CSRNP3: variants seen among roughly 807,000 people sequenced by gnomAD.
CSRNP3 encodes the protein cysteine and serine rich nuclear protein 3.
In CSRNP3, 12 loss-of-function variants were observed where a neutral mutation model predicts 48.0. The ratio of observed to expected loss-of-function variants is 0.25; its 90% confidence interval spans 0.16 to 0.41. CSRNP3 has a LOEUF of 0.41. Among genes scored for constraint, CSRNP3 ranks in the 10% least tolerant of loss-of-function variants. CSRNP3 has a pLI of 1.00. For synonymous variants in CSRNP3, 263 were observed against 269.7 expected (o/e 0.98, Z 0.24); for missense variants, 580 against 724.4 (o/e 0.80, Z 2.29).
intron 3 of CSRNP3, among the ~76,000 whole-genome samples, chr2:165,577,848 A>G (rs966873157): frequency 2.6e-5 from 4 of 151,976 alleles, no homozygotes; most frequent in African/African-American, 9.6e-5. Context: ...GGACAGAGAA[A>G]GAGAGAAACC....
intron 3 of CSRNP3, among the ~76,000 whole-genome samples, chr2:165,518,356 A>G (rs1202473410): frequency 6.6e-6 from 1 of 151,940 alleles, no homozygotes; most frequent in Non-Finnish European, 1.5e-5. Flanking sequence ...TTAGAAGGAT[A>G]GCTAATCAGC....
chr2:165,565,654 G>T (rs1371732704), intron 3 of CSRNP3, among the ~76,000 whole-genome samples: 1 of 151,960 alleles, frequency 6.6e-6, no homozygotes, highest in African/African-American at 2.4e-5. Flanking sequence ...GAAAGAAAAT[G>T]CATGCCTCAT....
At chr2:165,595,300 G>A in intron 4 of CSRNP3, 87 bp downstream of exon 4, 1 of 1,265,310 alleles carries the variant, frequency 7.9e-7, no homozygotes, top group Admixed American at 2.1e-5. Flanking sequence ...TTTCATGCTA[G>A]CTATATATAT....
intron 3 of CSRNP3, among the ~76,000 whole-genome samples, chr2:165,540,495 G>T (rs1391356105): frequency 6.6e-6 from 1 of 151,960 alleles, no homozygotes; most frequent in Admixed American, 6.6e-5. Context: ...TCTTGTCTGT[G>T]CTCTACTGCT....
Position 165,681,744 on chromosome 2 carries a change from T to TATATATATATATAC in CSRNP3, c.*2004_*2005insCATATATATATATA, listed in dbSNP as rs1558974326. On this transcript the variant is annotated 3_prime_UTR_variant, in exon 7 of 7. Coordinates refer to ENST00000651982, the MANE Select transcript of CSRNP3 (RefSeq NM_001172173.2). Reference sequence around the variant, plus strand: ...AAATATACATATATATATATATATATATATATATATATATATACACACACA... The same window carrying TATATATATATATAC: ...AAATATACATATATATATATATATATATATATATATATACATATATATATATATATACACACACA... 2 of 88,456 alleles carry TATATATATATATAC rather than the reference T, an allele frequency of 2.3e-5. No homozygotes were observed. The highest frequency in any genetic ancestry group is 3.8e-5 in the African/African-American group (1 of 26,526). The allele number at this position is 88,456 out of a possible 1,614,324, so 5.5% of individuals were successfully genotyped here. A position where few individuals can be genotyped will look rare whatever the true frequency, so the allele number is the denominator to read the frequency against.
intron 4 of CSRNP3, among the ~76,000 whole-genome samples, chr2:165,634,330 G>A (rs1000289342): frequency 6.6e-6 from 1 of 151,982 alleles, no homozygotes; most frequent in Non-Finnish European, 1.5e-5. Context: ...ATGGGAATGA[G>A]ATCCTGTCCA....
chr2:165,679,830 T>A lies in CSRNP3; in HGVS notation c.*77T>A. The A allele has an allele frequency of 6.6e-7, 1 of 1,520,556 alleles. No individual in the cohort carries two copies. Among genetic ancestry groups the A allele is most frequent in the Non-Finnish European group, 8.8e-7 (1 of 1,137,760 alleles). 94.2% of individuals were successfully genotyped at this position (1,520,556 alleles called of 1,614,324 possible). A position where few individuals can be genotyped will look rare whatever the true frequency, so the allele number is the denominator to read the frequency against. Reference sequence around the variant, plus strand: ...TAATTGGATTTCCTGGGCTCATCATTGTTTAAACTGAAGACCAAGAAAACT... The same window carrying A: ...TAATTGGATTTCCTGGGCTCATCATAGTTTAAACTGAAGACCAAGAAAACT... On this transcript the variant is annotated 3_prime_UTR_variant, in exon 7 of 7. Transcript: ENST00000651982.
intron 4 of CSRNP3, among the ~76,000 whole-genome samples, chr2:165,601,821 C>T (rs1573910176): frequency 6.6e-6 from 1 of 152,096 alleles, no homozygotes; most frequent in East Asian, 1.9e-4. Context: ...CATAAAGAAT[C>T]AATAGAAAAC....
chr2:165,679,072 T>C lies in CSRNP3; in HGVS notation c.1077T>C (p.Ser359=). 5.0e-6 allele frequency: 8 copies of C among 1,613,526 alleles called. No individual in the cohort carries two copies. Among genetic ancestry groups the C allele is most frequent in the Non-Finnish European group, 6.8e-6 (8 of 1,179,778 alleles). ...GSSFCSGVTD[S]STQSLAPSES... ...GCTTTTGCAGCGGAGTCACAGATTC[T>C]AGCACGCAAAGCTTGGCACCTAGTG... Residue 359 remains serine, a synonymous_variant, in exon 7 of 7, where the codon TCT becomes TCC. Coordinates refer to ENST00000651982, the MANE Select transcript of CSRNP3 (RefSeq NM_001172173.2).
At position 165,680,799 on chromosome 2, in the gene CSRNP3, C is replaced by T. The variant is rs1217717719; in HGVS notation, c.*1046C>T. ...GGGAAAATGACCTATTTTCCTTCAC[C>T]ACTCTGAGGACCTAACTCAGTAAAT... On this transcript the variant is annotated 3_prime_UTR_variant, in exon 7 of 7. Transcript: ENST00000651982. The T allele has an allele frequency of 6.6e-6, 1 of 152,002 alleles. No individual in the cohort carries two copies. Among genetic ancestry groups the T allele is most frequent in the Non-Finnish European group, 1.5e-5 (1 of 68,006 alleles). 9.4% of individuals were successfully genotyped at this position (152,002 alleles called of 1,614,324 possible). A position where few individuals can be genotyped will look rare whatever the true frequency, so the allele number is the denominator to read the frequency against.
intron 3 of CSRNP3, among the ~76,000 whole-genome samples, chr2:165,524,233 G>A (rs1021545367): frequency 5.9e-5 from 9 of 152,154 alleles, no homozygotes; most frequent in African/African-American, 2.2e-4. Flanking sequence ...AGGAGGGAAG[G>A]ACGATGGCTT....
intron 4 of CSRNP3, among the ~76,000 whole-genome samples, chr2:165,604,048 A>G (rs1176934254): frequency 6.6e-6 from 1 of 152,206 alleles, no homozygotes; most frequent in African/African-American, 2.4e-5. Flanking sequence ...AGTACATGAT[A>G]AGTATTTATA....
At chr2:165,607,966 T>C (rs1259116653) in intron 4 of CSRNP3, among the ~76,000 whole-genome samples, 2 of 151,632 alleles carry the variant, frequency 1.3e-5, no homozygotes, top group African/African-American at 4.8e-5. Context: ...CCTCCAAATA[T>C]AGTATGCCAC....
chr2:165,549,017 T>TC lies in CSRNP3; in HGVS notation c.-24+31056_-24+31057insC, dbSNP rs1024258920. 5.9e-5 allele frequency among the ~76,000 whole-genome samples: 9 copies of TC among 151,514 alleles called. No homozygotes were observed. The South Asian group carries it at 8.4e-4, about 14-fold the overall frequency. ...TTGTTTTTCTGAGGTAATGTCTTTTTTTTTTTTAAGTAGTAAAGGTTATTA... is the reference window on the plus strand; with the variant it reads ...TTGTTTTTCTGAGGTAATGTCTTTTTCTTTTTTTAAGTAGTAAAGGTTATTA... On this transcript the variant is annotated intron_variant, in intron 3 of 6. Transcript: ENST00000651982.
chr2:165,531,572 A>G (rs1486787731), intron 3 of CSRNP3, among the ~76,000 whole-genome samples: 1 of 152,182 alleles, frequency 6.6e-6, no homozygotes, highest in African/African-American at 2.4e-5. Context: ...ATGTCCCTAC[A>G]AAGGACATGA....
chr2:165,639,548 A>G (rs1686691645), intron 4 of CSRNP3, among the ~76,000 whole-genome samples: 1 of 152,260 alleles, frequency 6.6e-6, no homozygotes, highest in Non-Finnish European at 1.5e-5. Context: ...AAAGGGAACA[A>G]GTCAAAAGGT....
intron 3 of CSRNP3, among the ~76,000 whole-genome samples, chr2:165,548,220 A>T (rs1326027172): frequency 1.3e-5 from 2 of 152,064 alleles, no homozygotes; most frequent in African/African-American, 4.8e-5. Flanking sequence ...ATTTGCTGGA[A>T]ATAATCAGAA....
intron 3 of CSRNP3, among the ~76,000 whole-genome samples, chr2:165,518,207 G>A (rs1684605906): frequency 6.6e-6 from 1 of 151,934 alleles, no homozygotes; most frequent in South Asian, 2.1e-4. Flanking sequence ...TCATTTTAAA[G>A]GGTAGCACTA....
At chr2:165,649,615 G>T (rs1286888824) in intron 4 of CSRNP3, among the ~76,000 whole-genome samples, 3 of 152,180 alleles carry the variant, frequency 2.0e-5, no homozygotes, top group African/African-American at 7.2e-5. Context: ...AATTTTAATA[G>T]CACTTAGAGC....
Sources: gnomAD v4.1 joint callset for allele counts (sites outside exome capture counted in the v4.1 genomes callset) on GRCh38, gnomAD v4.1.1 for gene constraint, MANE v1.5 for transcripts, NCBI Gene and HGNC (gene_info 2026-07-23, HGNC 2026-07-21) for gene names.